The following BBX variants were observed in gnomAD, a reference collection of about 807,000 sequenced individuals.
BBX encodes the protein BBX high mobility group box domain containing.
A neutral mutation model predicts 100.2 loss-of-function variants in BBX; 30 were observed. That is an observed-to-expected ratio of 0.30 (90% CI 0.22 to 0.41). The LOEUF (loss-of-function observed/expected upper bound fraction) is 0.41. Among genes scored for constraint, BBX ranks in the 10% least tolerant of loss-of-function variants. The pLI, the probability that BBX is intolerant of heterozygous loss-of-function variation, is 1.00. For missense variants in BBX, 1,023 were observed against 1,129.8 expected (o/e 0.91, Z 1.35); for synonymous variants, 376 against 388.1 (o/e 0.97, Z 0.37).
intron 3 of BBX, among the ~76,000 whole-genome samples, chr3:107,700,136 T>C (rs1277041268): frequency 1.3e-5 from 2 of 151,860 alleles, no homozygotes; most frequent in Non-Finnish European, 2.9e-5. Context: ...GGCAGGTCTT[T>C]AGACTTGAGA....
At chr3:107,698,015 T>A (rs1177028173) in intron 3 of BBX, among the ~76,000 whole-genome samples, 1 of 151,946 alleles carries the variant, frequency 6.6e-6, no homozygotes, top group Non-Finnish European at 1.5e-5. Context: ...CCTGACCCCT[T>A]GCGCTTCCCG....
At chr3:107,591,549 G>T (rs776582414) in intron 2 of BBX, among the ~76,000 whole-genome samples, 1 of 152,146 alleles carries the variant, frequency 6.6e-6, no homozygotes, top group Non-Finnish European at 1.5e-5. Context: ...GTGCGGTAAC[G>T]CTATCAGGGC....
At chr3:107,572,206 C>T (rs746456318) in intron 2 of BBX, among the ~76,000 whole-genome samples, 1 of 152,172 alleles carries the variant, frequency 6.6e-6, no homozygotes, top group Non-Finnish European at 1.5e-5. Flanking sequence ...GTGACCACAT[C>T]GGACACTCAT....
intron 10 of BBX, among the ~76,000 whole-genome samples, chr3:107,761,454 G>A (rs1375525949): frequency 2.0e-5 from 3 of 152,186 alleles, no homozygotes; most frequent in Non-Finnish European, 4.4e-5. Flanking sequence ...CTTAAGGTGT[G>A]AGAAGATAAG....
intron 2 of BBX, among the ~76,000 whole-genome samples, chr3:107,558,168 T>A (rs2050219174): frequency 6.6e-6 from 1 of 152,206 alleles, no homozygotes; most frequent in Non-Finnish European, 1.5e-5. Context: ...GGAGTGTGAA[T>A]GGCACCTTAG....
At chr3:107,551,778 C>T (rs1391030497) in intron 2 of BBX, among the ~76,000 whole-genome samples, 1 of 152,156 alleles carries the variant, frequency 6.6e-6, no homozygotes, top group Non-Finnish European at 1.5e-5. Flanking sequence ...GGAGTAATTC[C>T]CTGTGACTCT....
intron 2 of BBX, among the ~76,000 whole-genome samples, chr3:107,566,754 C>G (rs969629060): frequency 1.3e-5 from 2 of 151,820 alleles, no homozygotes; most frequent in Non-Finnish European, 2.9e-5. Flanking sequence ...AATGCTTAAT[C>G]TTTTTTGTGT....
At chr3:107,752,890 T>G (rs903722766) in intron 9 of BBX, among the ~76,000 whole-genome samples, 2 of 152,208 alleles carry the variant, frequency 1.3e-5, no homozygotes, top group African/African-American at 2.4e-5. Flanking sequence ...AAACAGATGT[T>G]AACTATATTG....
intron 5 of BBX, among the ~76,000 whole-genome samples, chr3:107,724,843 A>T (rs981885306): frequency 6.6e-6 from 1 of 152,168 alleles, no homozygotes; most frequent in African/African-American, 2.4e-5. Flanking sequence ...AGGTAGCGTG[A>T]TGCCTCCAGC....
At position 107,708,434 on chromosome 3, in the gene BBX, G is replaced by C. The variant is rs538722736; in HGVS notation, c.-9-2018G>C. 1.7e-3 allele frequency among the ~76,000 whole-genome samples: 262 copies of C among 152,244 alleles called. 1 individual carries two copies. The highest frequency in any genetic ancestry group is 3.4e-3 in the Middle Eastern group (1 of 294). On this transcript the variant is annotated intron_variant, in intron 3 of 17. Coordinates refer to ENST00000325805, the MANE Select transcript of BBX (RefSeq NM_001142568.3). ...CTCACACCTGTAATCCCAGCACTTT[G>C]GGAGGCTGAGGTGGGCAGATCACAA...
chr3:107,779,648 C>G (rs1576771994), intron 13 of BBX, among the ~76,000 whole-genome samples: 1 of 151,878 alleles, frequency 6.6e-6, no homozygotes, highest in African/African-American at 2.4e-5. Context: ...TTAAATAGAC[C>G]AATTAATCGA....
intron 5 of BBX, among the ~76,000 whole-genome samples, chr3:107,723,108 A>G (rs1168954516): frequency 6.6e-6 from 1 of 152,044 alleles, no homozygotes; most frequent in Non-Finnish European, 1.5e-5. Context: ...GATACTTCAT[A>G]TATTTGCACC....
rs4293700 is a variant in BBX, at chr3:107,799,059, A to T, written c.2551+339A>T. Among the ~76,000 whole-genome samples the T allele has an allele frequency of 5.1e-3, 773 of 151,668 alleles. 6 individuals carry two copies. The highest frequency in any genetic ancestry group is 6.8e-3 in the Non-Finnish European group (459 of 67,876). ...CAGCTGCTTGGGAGGCTGAGGCAGG[A>T]GAATGGCGTGAACCCGAGAGTCGGA... On this transcript the variant is annotated intron_variant, in intron 16 of 17. Coordinates refer to ENST00000325805, the MANE Select transcript of BBX (RefSeq NM_001142568.3).
intron 15 of BBX, among the ~76,000 whole-genome samples, 189 bp downstream of exon 15, chr3:107,791,488 A>G (rs926600478): frequency 6.6e-6 from 1 of 152,222 alleles, no homozygotes; most frequent in South Asian, 2.1e-4. Flanking sequence ...GGGTCAGGCA[A>G]TGTGTCATGT....
chr3:107,778,484 G>T lies in BBX; in HGVS notation c.2168G>T (p.Gly723Val), dbSNP rs765733561. 6.2e-7 allele frequency: 1 copy of T among 1,613,164 alleles called. No individual in the cohort carries two copies. Among genetic ancestry groups the T allele is most frequent in the Non-Finnish European group, 8.5e-7 (1 of 1,179,490 alleles). The change falls in exon 13 of 18, where the codon GGA becomes GTA. Residue 723 changes from glycine to valine, a missense_variant. Around this residue, in one of 9 missense-constraint regions of BBX, gnomAD observed 215 missense variants for 211.3 expected, o/e 1.02. Transcript: ENST00000325805. ...GTCCCAAGAAAAAAGAAGAAGACTG[G>T]AAATGTGTCCTCAGAACCGACTAAA... ...VPVPRKKKKT[G>V]NVSSEPTKTS... is the part of the protein sequence containing the mutation.
intron 13 of BBX, among the ~76,000 whole-genome samples, chr3:107,781,297 C>G (rs2107847016): frequency 6.6e-6 from 1 of 152,026 alleles, no homozygotes; most frequent in East Asian, 1.9e-4. Flanking sequence ...TGTCATAGGT[C>G]TTGTCAAAAA....
At chr3:107,698,521 A>C (rs2060822108) in intron 3 of BBX, among the ~76,000 whole-genome samples, 1 of 151,426 alleles carries the variant, frequency 6.6e-6, no homozygotes, top group African/African-American at 2.4e-5. Context: ...GTGTGATGGC[A>C]TACTCCTGTA....
chr3:107,565,524 G>A lies in BBX; in HGVS notation c.-84+39126G>A, dbSNP rs185211251. 8.7e-3 allele frequency among the ~76,000 whole-genome samples: 1,314 copies of A among 150,790 alleles called. 25 individuals carry two copies. Among genetic ancestry groups the A allele is most frequent in the African/African-American group, 0.03 (1,252 of 41,080 alleles). ...CTCACTCTGTTGCCCAGGCTGGAGG[G>A]CAGTGGCGCAATCTCGGCTCACTGC... On this transcript the variant is annotated intron_variant, in intron 2 of 17. Transcript: ENST00000325805.
At chr3:107,710,316 A>G (rs1185963807) in intron 3 of BBX, 136 bp from the exon 4 acceptor site, 1 of 643,532 alleles carries the variant, frequency 1.6e-6, no homozygotes, top group Non-Finnish European at 2.6e-6. Context: ...CTGATAGTAT[A>G]GTCATTAAAA....
Sources: gnomAD v4.1 joint callset for allele counts (sites outside exome capture counted in the v4.1 genomes callset) on GRCh38, gnomAD v4.1.1 for gene constraint, gnomAD v4.1.1 regional missense constraint, MANE v1.5 for transcripts, NCBI Gene and HGNC (gene_info 2026-07-23, HGNC 2026-07-21) for gene names.